CLTCL1: variants seen among roughly 807,000 people sequenced by gnomAD.
The protein encoded by CLTCL1 is clathrin heavy chain 2.
In CLTCL1, 159 loss-of-function variants were observed where a neutral mutation model predicts 190.0. That is an observed-to-expected ratio of 0.84 (90% CI 0.74 to 0.95). CLTCL1 has a LOEUF of 0.95. Ranked by LOEUF, CLTCL1 falls within the 40% of genes least tolerant of loss-of-function variation. The probability of loss-of-function intolerance (pLI) is 0.00; values close to 1 mark genes in which losing one functional copy is unlikely to be tolerated. For synonymous variants in CLTCL1, 752 were observed against 769.6 expected, an observed-to-expected ratio of 0.98 and a Z score of 0.38; for missense variants, 1,878 against 2,033.4, an observed-to-expected ratio of 0.92 and a Z score of 1.47.
intron 2 of CLTCL1, among the ~76,000 whole-genome samples, chr22:19,271,544 T>A (rs375679403): frequency 2.6e-5 from 4 of 152,176 alleles, no homozygotes; most frequent in Non-Finnish European, 5.9e-5. Flanking sequence ...CCTTCTGCCA[T>A]GATTATAAGT....
At chr22:19,207,201 G>C (rs2085078362) in intron 22 of CLTCL1, among the ~76,000 whole-genome samples, 1 of 151,776 alleles carries the variant, frequency 6.6e-6, no homozygotes, top group African/African-American at 2.4e-5. Context: ...ATTTTTAGTA[G>C]AGACGGGGTT....
chr22:19,259,805 C>T (rs2086885086), intron 2 of CLTCL1, among the ~76,000 whole-genome samples: 1 of 152,112 alleles, frequency 6.6e-6, no homozygotes, highest in Non-Finnish European at 1.5e-5. Context: ...AGGAAGAGTC[C>T]TACGTCTCTC....
chr22:19,194,687 A>G (rs2084638429), intron 26 of CLTCL1, among the ~76,000 whole-genome samples: 1 of 152,140 alleles, frequency 6.6e-6, no homozygotes, highest in South Asian at 2.1e-4. Flanking sequence ...CAGCGGTGAC[A>G]CCCCTAGCCC....
intron 29 of CLTCL1, among the ~76,000 whole-genome samples, chr22:19,185,389 T>C (rs1555927848): frequency 6.6e-6 from 1 of 151,216 alleles, no homozygotes; most frequent in Non-Finnish European, 1.5e-5. Flanking sequence ...TGCAGTGGCG[T>C]GATCTCTGCT....
chr22:19,187,941 C>G, intron 28 of CLTCL1, 40 bp downstream of exon 28: 1 of 1,580,716 alleles, frequency 6.3e-7, no homozygotes, highest in Non-Finnish European at 8.7e-7. Flanking sequence ...AGGGGAGGAG[C>G]CCAGCCCACC....
At chr22:19,218,618 T>C (rs1367330151) in intron 18 of CLTCL1, among the ~76,000 whole-genome samples, 5 of 152,196 alleles carry the variant, frequency 3.3e-5, no homozygotes, top group African/African-American at 1.2e-4. Context: ...TTCTCAGGGC[T>C]GAAGCCACTT....
chr22:19,240,024 T>C (rs1440652638), intron 4 of CLTCL1, among the ~76,000 whole-genome samples: 1 of 151,374 alleles, frequency 6.6e-6, no homozygotes, highest in South Asian at 2.1e-4. Context: ...TCTCAGCTCA[T>C]TGAAACCTCT....
intron 2 of CLTCL1, among the ~76,000 whole-genome samples, chr22:19,272,698 C>T (rs548215776): frequency 5.9e-5 from 9 of 152,208 alleles, no homozygotes; most frequent in South Asian, 2.1e-4. Context: ...CTCGAACTCC[C>T]GACCTCCAGG....
Position 19,196,485 on chromosome 22 carries a change from G to A in CLTCL1, c.4041+4C>T. 1.2e-6 allele frequency: 2 copies of A among 1,614,086 alleles called. No homozygotes were observed. The highest frequency in any genetic ancestry group is 1.7e-6 in the Non-Finnish European group (2 of 1,179,898). On this transcript the variant is annotated splice_donor_region_variant and intron_variant, in intron 25 of 32. Transcript: ENST00000427926. ...GCTGCCAGACTGCAAGGAGTACACGGTACCTTTGGGATGTTGACACGGGAC... is the reference window on the plus strand; with the variant it reads ...GCTGCCAGACTGCAAGGAGTACACGATACCTTTGGGATGTTGACACGGGAC...
Position 19,229,932 on chromosome 22 carries a change from G to T in CLTCL1, c.1688C>A (p.Thr563Asn). ...FMENSLIQQC[T>N]SFLLDALKNN... ...CTTCAAGGCATCCAATAAGAAGGAAGTACACTGCTGAATTAAACTGTTTTC... is the reference window on the plus strand; with the variant it reads ...CTTCAAGGCATCCAATAAGAAGGAATTACACTGCTGAATTAAACTGTTTTC... The change falls in exon 11 of 33, where the codon ACT becomes AAT. Residue 563 changes from threonine to asparagine, a missense_variant. By Grantham distance (65) the Thr-to-Asn change is moderately conservative. Coordinates refer to ENST00000427926, the MANE Select transcript of CLTCL1 (RefSeq NM_007098.4). 6.2e-7 allele frequency: 1 copy of T among 1,611,108 alleles called. No individual in the cohort carries two copies. The highest frequency in any genetic ancestry group is 1.1e-5 in the South Asian group (1 of 90,372).
In CLTCL1 at chr22:19,216,175, G is replaced by T; in HGVS notation, c.3001C>A (p.Pro1001Thr). 6.2e-7 allele frequency: 1 copy of T among 1,613,944 alleles called. No individual in the cohort carries two copies. Among genetic ancestry groups the T allele is most frequent in the Admixed American group, 1.7e-5 (1 of 60,016 alleles). Residue 1001 changes from proline to threonine, a missense_variant, in exon 19 of 33, where the codon CCT becomes ACT. Coordinates refer to ENST00000427926, the MANE Select transcript of CLTCL1 (RefSeq NM_007098.4). ...TCCAGCAGTTCAATCAGTTCATTAG[G>T]CAGGTCGGCTGTCATAAAGGCTTTG... ...TVKAFMTADL[P>T]NELIELLEKI...
At chr22:19,221,713 A>T in intron 16 of CLTCL1, 102 bp from the exon 17 acceptor site, 1 of 1,126,986 alleles carries the variant, frequency 8.9e-7, no homozygotes, top group Admixed American at 2.5e-5. Flanking sequence ...AAAAAATCTC[A>T]GAGTCCATTG....
At chr22:19,283,221 G>C (rs1376857654) in intron 1 of CLTCL1, among the ~76,000 whole-genome samples, 5 of 151,456 alleles carry the variant, frequency 3.3e-5, no homozygotes, top group Admixed American at 6.6e-5. Context: ...AAGGATTCCT[G>C]ATCCCTAGTA....
At position 19,216,099 on chromosome 22, in the gene CLTCL1, G is replaced by A. The variant is rs1555949274; in HGVS notation, c.3065+12C>T. 1 of 1,612,534 alleles carries A rather than the reference G, an allele frequency of 6.2e-7. No homozygotes were observed. The highest frequency in any genetic ancestry group is 8.5e-7 in the Non-Finnish European group (1 of 1,179,098). ...CTGCCTGTGTCCACAGCTACCCCTGGCATAGCCTCACCTGTGCTCGCTGAA... is the reference window on the plus strand; with the variant it reads ...CTGCCTGTGTCCACAGCTACCCCTGACATAGCCTCACCTGTGCTCGCTGAA... On this transcript the variant is annotated intron_variant, in intron 19 of 32. Transcript: ENST00000427926.
intron 2 of CLTCL1, among the ~76,000 whole-genome samples, chr22:19,270,520 G>A (rs577289509): frequency 6.6e-6 from 1 of 151,794 alleles, no homozygotes; most frequent in Non-Finnish European, 1.5e-5. Context: ...AAAGTCAAGA[G>A]ATCGAGACCA....
intron 26 of CLTCL1, among the ~76,000 whole-genome samples, chr22:19,192,030 G>A (rs1407822854): frequency 1.3e-5 from 2 of 150,700 alleles, no homozygotes; most frequent in African/African-American, 2.4e-5. Flanking sequence ...TTCCCCACTG[G>A]TCTGCCACCA....
chr22:19,242,098 A>C (rs1160708010), intron 4 of CLTCL1, among the ~76,000 whole-genome samples: 1 of 151,724 alleles, frequency 6.6e-6, no homozygotes, highest in Non-Finnish European at 1.5e-5. Context: ...GCACACAGCC[A>C]GGCCCGGCTA....
chr22:19,208,973 C>G lies in CLTCL1; in HGVS notation c.3391G>C (p.Gly1131Arg). 1 of 1,611,748 alleles carries G rather than the reference C, an allele frequency of 6.2e-7. No individual in the cohort carries two copies. The highest frequency in any genetic ancestry group is 8.5e-7 in the Non-Finnish European group (1 of 1,179,068). Residue 1131 changes from glycine (G) to arginine (R), a missense_variant, in exon 21 of 33, where the codon GGG (glycine) becomes CGG (arginine). Coordinates refer to ENST00000427926, the MANE Select transcript of CLTCL1 (RefSeq NM_007098.4). ...TCCAGGTAAGAGGAAGGGTCGTCCC[C>G]TCTGATATAGGAGTTGATGGCTTCC... ...VKEAINSYIR[G>R]DDPSSYLEVV...
At chr22:19,234,813 G>C (rs1241192590) in intron 6 of CLTCL1, 107 bp from the exon 7 acceptor site, 3 of 1,019,764 alleles carry the variant, frequency 2.9e-6, no homozygotes, top group Middle Eastern at 2.4e-4. Flanking sequence ...TCTCAGGCGA[G>C]TGTTGAGCAC....
Sources: allele counts gnomAD v4.1 joint callset (sites outside exome capture counted in the v4.1 genomes callset), GRCh38; gene constraint gnomAD v4.1.1; transcripts MANE v1.5; gene names NCBI Gene and HGNC (gene_info 2026-07-23, HGNC 2026-07-21).